The following DNAJC3 variants were observed in gnomAD, a reference collection of about 807,000 sequenced individuals.
DNAJC3 encodes the protein dnaJ homolog subfamily C member 3.
A neutral mutation model predicts 68.6 loss-of-function variants in DNAJC3; 38 were observed. The observed-to-expected ratio is 0.55, with a 90% confidence interval of 0.43 to 0.73. DNAJC3 has a LOEUF of 0.73. Among genes scored for constraint, DNAJC3 ranks in the 30% least tolerant of loss-of-function variants. The pLI is 0.00. For missense variants in DNAJC3, 526 were observed against 591.9 expected (o/e 0.89, Z 1.16); for synonymous variants, 203 against 204.0 (o/e 1.00, Z 0.04).
Position 95,741,835 on chromosome 13 carries a change from A to C in DNAJC3, c.394-15809A>C, listed in dbSNP as rs541850793. Among the ~76,000 whole-genome samples, 7 of 152,190 alleles carry C rather than the reference A, an allele frequency of 4.6e-5. No individual in the cohort carries two copies. The South Asian group carries it at 6.2e-4, about 14-fold the overall frequency. ...GGAGTGCTCAGGTGCCAATGGGTAT[A>C]GACTGGGCAGAGAAATCCTCAGGCC... On this transcript the variant is annotated intron_variant, in intron 4 of 11. Transcript: ENST00000602402.
intron 4 of DNAJC3, among the ~76,000 whole-genome samples, chr13:95,739,640 T>G (rs538438472): frequency 1.3e-5 from 2 of 152,256 alleles, no homozygotes; most frequent in South Asian, 2.1e-4. Context: ...TCTGCATTCT[T>G]GAGCCTTGGT....
At chr13:95,704,709 G>C (rs539098714) in intron 1 of DNAJC3, among the ~76,000 whole-genome samples, 2 of 152,104 alleles carry the variant, frequency 1.3e-5, no homozygotes, top group African/African-American at 4.8e-5. Flanking sequence ...CTGCCACTAG[G>C]TGGCCAGCTG....
Position 95,760,813 on chromosome 13 carries a change from G to T in DNAJC3, c.848+15G>T. The T allele has an allele frequency of 6.2e-7, 1 of 1,607,020 alleles. No individual in the cohort carries two copies. Among genetic ancestry groups the T allele is most frequent in the South Asian group, 1.1e-5 (1 of 90,144 alleles). The stretch of plus-strand genomic sequence containing the variant: ...AGAGATGGCAGGTGAGAATATGGTT[G>T]TTCCAACTGTCCAGCCATTCCTTAT... On this transcript the variant is annotated intron_variant, in intron 7 of 11. Transcript: ENST00000602402.
chr13:95,677,409 CG>C (rs1204158006), intron 1 of DNAJC3, 72 bp downstream of exon 1: 25 of 1,467,222 alleles, frequency 1.7e-5, no homozygotes, highest in Admixed American at 6.5e-5. Flanking sequence ...CGTCTGCGCC[CG>C]GGCGCCTGTC....
At chr13:95,752,087 A>G (rs1237602286) in intron 4 of DNAJC3, among the ~76,000 whole-genome samples, 1 of 152,156 alleles carries the variant, frequency 6.6e-6, no homozygotes, top group Non-Finnish European at 1.5e-5. Context: ...CTATATCCTT[A>G]CATTTTCCTG....
chr13:95,736,671 G>A (rs1264765101), intron 4 of DNAJC3, among the ~76,000 whole-genome samples: 1 of 151,228 alleles, frequency 6.6e-6, no homozygotes, highest in Admixed American at 6.6e-5. Flanking sequence ...CATTGATTTT[G>A]TATCCTGAGA....
chr13:95,764,048 G>C, intron 9 of DNAJC3, 95 bp downstream of exon 9: 1 of 1,522,346 alleles, frequency 6.6e-7, no homozygotes, highest in South Asian at 1.3e-5. Flanking sequence ...ATTTACCAGA[G>C]TACCTGGAAA....
intron 9 of DNAJC3, among the ~76,000 whole-genome samples, chr13:95,784,586 A>T (rs1360141500): frequency 6.6e-6 from 1 of 152,210 alleles, no homozygotes; most frequent in East Asian, 1.9e-4. Context: ...CCAAAATCCC[A>T]GACTCCCAGA....
intron 9 of DNAJC3, among the ~76,000 whole-genome samples, chr13:95,771,595 T>A (rs1168524986): frequency 6.6e-6 from 1 of 152,074 alleles, no homozygotes; most frequent in Non-Finnish European, 1.5e-5. Context: ...TTCCCTAAAC[T>A]GATTTAGCAG....
intron 4 of DNAJC3, among the ~76,000 whole-genome samples, chr13:95,729,398 C>T (rs756338700): frequency 6.6e-6 from 1 of 150,648 alleles, no homozygotes; most frequent in Non-Finnish European, 1.5e-5. Flanking sequence ...CTCTCCCTCT[C>T]CCTCTCTCCA....
intron 2 of DNAJC3, among the ~76,000 whole-genome samples, chr13:95,713,626 C>T (rs74809762): frequency 0.016 from 2,488 of 152,242 alleles, 30 homozygotes; most frequent in Non-Finnish European, 0.026. Flanking sequence ...GAAATTGACT[C>T]GCTGATTCTA....
At chr13:95,765,089 T>C (rs151300705) in intron 9 of DNAJC3, among the ~76,000 whole-genome samples, 1,869 of 152,136 alleles carry the variant, frequency 0.012, 39 homozygotes, top group African/African-American at 0.043. Flanking sequence ...TCACTACTAT[T>C]TGTGGGACAT....
rs181279129 is a variant in DNAJC3 at position 95,751,436 on chromosome 13, T to C, written c.394-6208T>C. Among the ~76,000 whole-genome samples, 216 of 152,310 alleles carry C rather than the reference T, an allele frequency of 1.4e-3. 1 individual carries two copies. In the South Asian group the frequency reaches 0.017, roughly 12 times the overall value. ...GTTTTTCTCTTGATTAACTGTGTGA[T>C]GTTGGGCCAGTTGTTTACTGTCTGT... On this transcript the variant is annotated intron_variant, in intron 4 of 11. Coordinates refer to ENST00000602402, the MANE Select transcript of DNAJC3 (RefSeq NM_006260.5).
chr13:95,688,929 T>G (rs79539176), intron 1 of DNAJC3, among the ~76,000 whole-genome samples: 2,189 of 13,980 alleles, frequency 0.16, 29 homozygotes, highest in East Asian at 0.34. Flanking sequence ...ATTGTGTGGG[T>G]GTGTGTGTGT....
intron 1 of DNAJC3, among the ~76,000 whole-genome samples, chr13:95,697,586 T>A (rs1215115971): frequency 1.3e-5 from 2 of 152,190 alleles, no homozygotes; most frequent in Non-Finnish European, 2.9e-5. Context: ...TTTTTCCTGT[T>A]TTATTTCCTC....
At chr13:95,777,226 C>A (rs1426763717) in intron 9 of DNAJC3, among the ~76,000 whole-genome samples, 6 of 152,106 alleles carry the variant, frequency 3.9e-5, no homozygotes, top group Non-Finnish European at 8.8e-5. Context: ...TTGTTCTGTT[C>A]TTTTCTGGGA....
rs1349654598 is a variant in DNAJC3, at chr13:95,792,562, G to GAAAC, written c.*1534_*1537dup. 6.6e-6 allele frequency: 1 copy of GAAAC among 152,138 alleles called. No homozygotes were observed. Among genetic ancestry groups the GAAAC allele is most frequent in the African/African-American group, 2.4e-5 (1 of 41,456 alleles). 9.4% of individuals were successfully genotyped at this position (152,138 alleles called of 1,614,324 possible). ...TCGTTTTCGTCTGTAGTCATATCCTGAAACATAGGTGGACAAATTTTTAAC... is the reference window on the plus strand; with the variant it reads ...TCGTTTTCGTCTGTAGTCATATCCTGAAACAAACATAGGTGGACAAATTTTTAAC... On this transcript the variant is annotated 3_prime_UTR_variant, in exon 12 of 12. Transcript: ENST00000602402.
At chr13:95,752,713 T>G (rs1882518451) in intron 4 of DNAJC3, among the ~76,000 whole-genome samples, 1 of 152,198 alleles carries the variant, frequency 6.6e-6, no homozygotes, top group Admixed American at 6.6e-5. Context: ...GTTCTTTATC[T>G]TTTATCCATA....
At chr13:95,719,871 G>A (rs976389859) in intron 2 of DNAJC3, among the ~76,000 whole-genome samples, 3 of 152,102 alleles carry the variant, frequency 2.0e-5, no homozygotes, top group African/African-American at 7.2e-5. Flanking sequence ...TTCATGGATT[G>A]GAATGGTCAG....
Sources: gnomAD v4.1 joint callset for allele counts (sites outside exome capture counted in the v4.1 genomes callset) on GRCh38, gnomAD v4.1.1 for gene constraint, MANE v1.5 for transcripts, NCBI Gene and HGNC (gene_info 2026-07-23, HGNC 2026-07-21) for gene names.